The following SH3KBP1 variants were observed in gnomAD, a reference collection of about 807,000 sequenced individuals.
SH3KBP1 encodes the protein SH3 domain containing kinase binding protein 1.
Under a neutral mutation model 50.1 loss-of-function variants are expected in SH3KBP1, and 8 were observed. That is an observed-to-expected ratio of 0.16 (90% CI 0.09 to 0.29). The LOEUF is 0.29. Ranked by LOEUF, SH3KBP1 falls within the 10% of genes least tolerant of loss-of-function variation. The pLI is 1.00. For missense variants in SH3KBP1, 377 were observed against 535.2 expected (o/e 0.70, Z 2.92); for synonymous variants, 227 against 218.6 (o/e 1.04, Z -0.34).
chrX:19,848,814 C>T (rs2068428715), intron 1 of SH3KBP1, among the ~76,000 whole-genome samples: 2 of 111,456 alleles, frequency 1.8e-5, no homozygotes, highest in Admixed American at 1.9e-4. Context: ...CACTCTGTCA[C>T]CTGGGCTGGA....
intron 6 of SH3KBP1, among the ~76,000 whole-genome samples, chrX:19,671,397 T>C (rs370984524): frequency 6.7e-4 from 49 of 73,529 alleles, no homozygotes; most frequent in South Asian, 5.4e-3. Flanking sequence ...CACACACACA[T>C]ACACACACAC....
intron 1 of SH3KBP1, among the ~76,000 whole-genome samples, chrX:19,880,457 T>C (rs1395435581): frequency 8.9e-6 from 1 of 112,863 alleles, no homozygotes; most frequent in East Asian, 2.8e-4. Context: ...GAGGAAATGT[T>C]GTATCACTTT....
At chrX:19,788,966 G>A (rs1174941348) in intron 2 of SH3KBP1, among the ~76,000 whole-genome samples, 2 of 111,350 alleles carry the variant, frequency 1.8e-5, no homozygotes, top group Non-Finnish European at 3.8e-5. Flanking sequence ...TCTACTGAAA[G>A]TACAAAAATT....
chrX:19,641,805 C>T (rs1337841265), intron 7 of SH3KBP1, among the ~76,000 whole-genome samples: 1 of 111,725 alleles, frequency 9.0e-6, no homozygotes, highest in East Asian at 2.8e-4. Flanking sequence ...TATATGTACA[C>T]TTGGCAAAGG....
intron 7 of SH3KBP1, among the ~76,000 whole-genome samples, chrX:19,642,386 G>A (rs928969797): frequency 5.4e-5 from 6 of 111,675 alleles, no homozygotes; most frequent in African/African-American, 2.0e-4. Context: ...GCAAGTCAAT[G>A]AACAAAGGGA....
Position 19,759,327 on chromosome X carries a change from C to A in SH3KBP1, c.163-12886G>T, listed in dbSNP as rs192919138. Among the ~76,000 whole-genome samples, 502 of 111,514 alleles carry A rather than the reference C, an allele frequency of 4.5e-3. 2 individuals are homozygous for A. Among genetic ancestry groups the A allele is most frequent in the Non-Finnish European group, 7.6e-3 (403 of 53,061 alleles). On this transcript the variant is annotated intron_variant, in intron 2 of 17. Coordinates refer to ENST00000397821, the MANE Select transcript of SH3KBP1 (RefSeq NM_031892.3). ...GACCGTTCTTGCTCTGAAAGGCCAGCCTCCAGAAACTGCCATTTAAAACAG... is the reference window on the plus strand; with the variant it reads ...GACCGTTCTTGCTCTGAAAGGCCAGACTCCAGAAACTGCCATTTAAAACAG...
At chrX:19,553,754 C>T (rs1195392576) in intron 13 of SH3KBP1, among the ~76,000 whole-genome samples, 1 of 100,679 alleles carries the variant, frequency 9.9e-6, no homozygotes, top group Non-Finnish European at 2.0e-5. Context: ...GGACATATGG[C>T]AGAGAAGACT....
intron 6 of SH3KBP1, chrX:19,670,216 T>C (rs775418875): frequency 5.2e-6 from 1 of 190,886 alleles, no homozygotes; most frequent in Admixed American, 9.5e-5. Flanking sequence ...CATACATGAG[T>C]ACATACCTAT....
At chrX:19,789,223 T>C (rs1289358196) in intron 2 of SH3KBP1, among the ~76,000 whole-genome samples, 1 of 111,355 alleles carries the variant, frequency 9.0e-6, no homozygotes, top group Non-Finnish European at 1.9e-5. Flanking sequence ...GTGATTTCTA[T>C]TATCATATTA....
intron 2 of SH3KBP1, among the ~76,000 whole-genome samples, chrX:19,750,828 A>G (rs1266510698): frequency 9.4e-6 from 1 of 105,997 alleles, no homozygotes; most frequent in Non-Finnish European, 2.0e-5. Flanking sequence ...CACTGTCAGG[A>G]AAAAAAAAAA....
chrX:19,708,141 G>T (rs1400154027), intron 3 of SH3KBP1, among the ~76,000 whole-genome samples: 1 of 112,773 alleles, frequency 8.9e-6, no homozygotes, highest in African/African-American at 3.2e-5. Flanking sequence ...GCACATTAAG[G>T]CCCCAATGCA....
intron 7 of SH3KBP1, among the ~76,000 whole-genome samples, chrX:19,638,408 C>CAAAA (rs59079416): frequency 3.3e-4 from 14 of 42,014 alleles, no homozygotes; most frequent in African/African-American, 8.2e-4. Flanking sequence ...GACTCCGTCT[C>CAAAA]AAAAAAAAAA....
intron 3 of SH3KBP1, among the ~76,000 whole-genome samples, chrX:19,737,002 G>A: frequency 9.3e-6 from 1 of 107,913 alleles, no homozygotes; most frequent in East Asian, 2.9e-4. Context: ...CACTTCCGAG[G>A]CTCAGACAAT....
At chrX:19,550,172 A>C in intron 13 of SH3KBP1, 89 bp from the exon 14 acceptor site, 1 of 586,707 alleles carries the variant, frequency 1.7e-6, no homozygotes, top group Non-Finnish European at 2.8e-6. Flanking sequence ...CTCAATAATA[A>C]TCCTTTCTGT....
At chrX:19,887,265 A>G in intron 1 of SH3KBP1, 42 bp downstream of exon 1, 1 of 965,639 alleles carries the variant, frequency 1.0e-6, no homozygotes, top group Non-Finnish European at 1.3e-6. Flanking sequence ...CGCCGCCCTC[A>G]AGGCTGAAGT....
intron 1 of SH3KBP1, among the ~76,000 whole-genome samples, chrX:19,841,928 G>A (rs2068232471): frequency 1.2e-5 from 1 of 83,526 alleles, no homozygotes; most frequent in African/African-American, 4.4e-5. Flanking sequence ...GTGGGGGGGG[G>A]CTCTTTTTTT....
chrX:19,817,916 T>C (rs2067406708), intron 2 of SH3KBP1, among the ~76,000 whole-genome samples: 1 of 112,236 alleles, frequency 8.9e-6, no homozygotes, highest in South Asian at 3.7e-4. Flanking sequence ...ATTACAGGTG[T>C]GAGCCACAGT....
intron 13 of SH3KBP1, among the ~76,000 whole-genome samples, chrX:19,552,248 C>T (rs972663362): frequency 1.8e-5 from 2 of 111,712 alleles, no homozygotes; most frequent in African/African-American, 3.3e-5. Flanking sequence ...TTTGGAAGAG[C>T]GCCGCACAAA....
intron 2 of SH3KBP1, among the ~76,000 whole-genome samples, chrX:19,753,639 T>G: frequency 9.0e-6 from 1 of 111,526 alleles, no homozygotes; most frequent in East Asian, 2.8e-4. Context: ...ACAGCAAGTA[T>G]TCTGAGAATA....
Sources: gnomAD v4.1 joint callset for allele counts (sites outside exome capture counted in the v4.1 genomes callset) on GRCh38, gnomAD v4.1.1 for gene constraint, MANE v1.5 for transcripts, NCBI Gene and HGNC (gene_info 2026-07-23, HGNC 2026-07-21) for gene names.